Variants in PTPRD observed in about 807,000 individuals in gnomAD.
PTPRD encodes protein tyrosine phosphatase receptor type D, also known as receptor-type tyrosine-protein phosphatase delta.
Under a neutral mutation model 214.5 loss-of-function variants are expected in PTPRD, and 34 were observed. The ratio of observed to expected loss-of-function variants is 0.16; its 90% CI spans 0.12 to 0.21. The LOEUF (loss-of-function observed/expected upper bound fraction) is 0.21, where lower values mean the gene tolerates loss of function less well. PTPRD is among the 10% of genes least tolerant of loss of function. The pLI, the probability that PTPRD is intolerant of heterozygous loss-of-function variation, is 1.00. For missense variants in PTPRD, 2,545 were observed against 2,398.7 expected (o/e 1.06, Z -1.27); for synonymous variants, 1,128 against 845.7 (o/e 1.33, Z -5.79).
At chr9:9,138,116 A>C (rs1442946877) in intron 10 of PTPRD, among the ~76,000 whole-genome samples, 1 of 152,040 alleles carries the variant, frequency 6.6e-6, no homozygotes, top group Admixed American at 6.6e-5. Context: ...GATGAATAAT[A>C]CCTGTTAAAT....
rs749497612 is a variant in PTPRD at position 9,646,300 on chromosome 9, GGGGTGTGTGTGTGTGT to G, written c.-286-71535_-286-71520del. 9.0e-3 allele frequency among the ~76,000 whole-genome samples: 1,353 copies of G among 149,860 alleles called. 7 individuals are homozygous for G. The highest frequency in any genetic ancestry group is 0.027 in the Middle Eastern group (8 of 294). ...GAATTGTAGGGTGACCATTTTGGGA[GGGGTGTGTGTGTGTGT>G]GGGTGTGTGTGTGTGTGTGTGTGTG... On this transcript the variant is annotated intron_variant, in intron 7 of 45. Coordinates refer to ENST00000381196, the MANE Select transcript of PTPRD (RefSeq NM_002839.4).
rs771484423 is a variant in PTPRD at position 8,494,370 on chromosome 9, G to T, written c.2350-1391C>A. Among the ~76,000 whole-genome samples the T allele has an allele frequency of 2.0e-5, 3 of 152,134 alleles. No individual in the cohort carries two copies. In the South Asian group the frequency reaches 6.2e-4, roughly 32 times the overall value. On this transcript the variant is annotated intron_variant, in intron 26 of 45. Transcript: ENST00000381196. The stretch of plus-strand genomic sequence containing the variant: ...GGAAATTTTATTCTGCCAGATAAAT[G>T]GACTATTTGGGAGAAATGTTGTATT...
chr9:10,582,766 A>AC (rs2072397532), intron 2 of PTPRD, among the ~76,000 whole-genome samples: 2 of 152,214 alleles, frequency 1.3e-5, no homozygotes, highest in Admixed American at 1.3e-4. Context: ...TAAACAAAAA[A>AC]CTACACACAC....
intron 3 of PTPRD, among the ~76,000 whole-genome samples, chr9:10,054,963 T>G (rs967075950): frequency 6.6e-6 from 1 of 151,892 alleles, no homozygotes; most frequent in African/African-American, 2.4e-5. Context: ...GTCTTCATCA[T>G]GGGATTCGTG....
At chr9:10,576,513 G>T (rs1371505244) in intron 2 of PTPRD, among the ~76,000 whole-genome samples, 1 of 152,098 alleles carries the variant, frequency 6.6e-6, no homozygotes, top group Non-Finnish European at 1.5e-5. Context: ...ACATAATGTT[G>T]CACAGTGAAA....
At chr9:8,381,933 A>C (rs2085227695) in intron 37 of PTPRD, among the ~76,000 whole-genome samples, 1 of 152,114 alleles carries the variant, frequency 6.6e-6, no homozygotes, top group Non-Finnish European at 1.5e-5. Flanking sequence ...CTCGTGGCCA[A>C]GTAGCACTTT....
rs1372960501 is a variant in PTPRD at position 10,391,077 on chromosome 9, G to A, written c.-599-50060C>T. ...CTGTTAGAAAGAAAGACCCATTACA[G>A]TATTGGGGATTGTGTTAAATTACTT... is the stretch of plus-strand genomic sequence containing the variant. On this transcript the variant is annotated intron_variant, in intron 2 of 45. Coordinates refer to ENST00000381196, the MANE Select transcript of PTPRD (RefSeq NM_002839.4). Among the ~76,000 whole-genome samples the A allele has an allele frequency of 4.0e-5, 6 of 151,882 alleles. No homozygotes were observed. In the East Asian group the frequency reaches 7.8e-4, roughly 20 times the overall value.
At chr9:10,387,934 TAC>T (rs1462326821) in intron 2 of PTPRD, among the ~76,000 whole-genome samples, 1 of 148,938 alleles carries the variant, frequency 6.7e-6, no homozygotes, top group Non-Finnish European at 1.5e-5. Flanking sequence ...GTGCTGGAAT[TAC>T]AGGAGTGAGC....
At chr9:10,065,799 T>C (rs761653329) in intron 3 of PTPRD, among the ~76,000 whole-genome samples, 1 of 151,820 alleles carries the variant, frequency 6.6e-6, no homozygotes, top group Non-Finnish European at 1.5e-5. Flanking sequence ...TATTTTCCGG[T>C]GATTAAGAAA....
At chr9:9,911,491 T>C (rs372610809) in intron 5 of PTPRD, among the ~76,000 whole-genome samples, 3 of 65,100 alleles carry the variant, frequency 4.6e-5, no homozygotes, top group Non-Finnish European at 5.7e-5. Flanking sequence ...TTGGGGTTTG[T>C]TACCCCAACT....
intron 9 of PTPRD, among the ~76,000 whole-genome samples, chr9:9,395,189 A>AC (rs200102333): frequency 6.5e-4 from 96 of 147,794 alleles, no homozygotes; most frequent in Middle Eastern, 3.5e-3. Context: ...ACATGAAACA[A>AC]AAAAAAAAAA....
intron 3 of PTPRD, among the ~76,000 whole-genome samples, chr9:10,140,706 C>G (rs186975407): frequency 0.016 from 2,472 of 152,140 alleles, 60 homozygotes; most frequent in African/African-American, 0.056. Context: ...TGAAACTATT[C>G]CAATCAATAG....
chr9:9,073,977 C>A (rs1251766971), intron 10 of PTPRD, among the ~76,000 whole-genome samples: 1 of 151,986 alleles, frequency 6.6e-6, no homozygotes. Flanking sequence ...TATAGTATAA[C>A]CTTCCAGAAA....
At position 8,486,232 on chromosome 9, in the gene PTPRD, C is replaced by T. The variant is rs142397137; in HGVS notation, c.2585G>A (p.Arg862His). The change falls in exon 28 of 46, where the codon CGC (arginine) becomes CAC (histidine). Residue 862 changes from arginine (R) to histidine (H), a missense_variant. Coordinates refer to ENST00000381196, the MANE Select transcript of PTPRD (RefSeq NM_002839.4). ...PLQGYRLKFG[R>H]KDMEPLTTLE... ...AGTAGTAAGTGGCTCCATATCCTTG[C>T]GGCCAAATTTTAGACGGTAGCCCTG... The T allele has an allele frequency of 8.1e-5, 131 of 1,614,034 alleles. No individual in the cohort carries two copies. Among genetic ancestry groups the T allele is most frequent in the Middle Eastern group, 1.6e-4 (1 of 6,084 alleles).
chr9:10,288,039 G>T (rs796139417), intron 3 of PTPRD, among the ~76,000 whole-genome samples: 32 of 151,054 alleles, frequency 2.1e-4, no homozygotes, highest in African/African-American at 7.5e-4. Flanking sequence ...CTTAAGATTG[G>T]GAGATGAATA....
chr9:8,886,179 T>C (rs1486348311), intron 11 of PTPRD, among the ~76,000 whole-genome samples: 1 of 152,198 alleles, frequency 6.6e-6, no homozygotes, highest in Admixed American at 6.5e-5. Context: ...ATATTGATAT[T>C]TGGGGACATC....
chr9:8,924,575 C>T (rs1181355852), intron 11 of PTPRD, among the ~76,000 whole-genome samples: 4 of 152,106 alleles, frequency 2.6e-5, no homozygotes, highest in African/African-American at 9.7e-5. Context: ...TTTGTCTTGT[C>T]TTAGCATCTC....
chr9:10,167,400 T>C (rs1471163145), intron 3 of PTPRD, among the ~76,000 whole-genome samples: 1 of 152,128 alleles, frequency 6.6e-6, no homozygotes, highest in Non-Finnish European at 1.5e-5. Flanking sequence ...CCCTTTCACT[T>C]ATTCTTCTTG....
At chr9:8,353,326 T>C (rs1403697350) in intron 39 of PTPRD, among the ~76,000 whole-genome samples, 1 of 152,098 alleles carries the variant, frequency 6.6e-6, no homozygotes, top group African/African-American at 2.4e-5. Flanking sequence ...TTTGTGTTGG[T>C]TTTGTAGAGG....
Sources: gnomAD v4.1 joint callset for allele counts (sites outside exome capture counted in the v4.1 genomes callset) on GRCh38, gnomAD v4.1.1 for gene constraint, MANE v1.5 for transcripts, NCBI Gene and HGNC (gene_info 2026-07-23, HGNC 2026-07-21) for gene names.